Variants in SYCE1L observed in about 807,000 individuals in gnomAD.
SYCE1L encodes synaptonemal complex central element protein 1 like, also known as synaptonemal complex central element protein 1-like.
In SYCE1L, 51 loss-of-function variants were observed where a neutral mutation model predicts 39.6. That is an observed-to-expected ratio of 1.29 (90% CI 1.03 to 1.63). The LOEUF (loss-of-function observed/expected upper bound fraction) is 1.63, where lower values mean the gene tolerates loss of function less well. Ranked by LOEUF, SYCE1L falls within the 40% of genes most tolerant of loss-of-function variation. The pLI is 0.00. For missense variants in SYCE1L, 426 were observed against 304.9 expected, an observed-to-expected ratio of 1.40 and a Z score of -2.96; for synonymous variants, 147 against 122.4, an observed-to-expected ratio of 1.20 and a Z score of -1.33.
At position 77,212,973 on chromosome 16, in the gene SYCE1L, G is replaced by T. The variant is rs545770596; in HGVS notation, c.*42G>T. ...CGTTCCCGACCTTCCCTCGAGACCC[G>T]CCAAGAAATAAAGGCGATGATTTCC... On this transcript the variant is annotated 3_prime_UTR_variant, in exon 11 of 11. Coordinates refer to ENST00000378644, the MANE Select transcript of SYCE1L (RefSeq NM_001129979.3). The T allele has an allele frequency of 7.6e-6, 11 of 1,451,286 alleles. No individual in the cohort carries two copies. The highest frequency in any genetic ancestry group is 4.3e-5 in the African/African-American group (3 of 69,224). 89.9% of individuals were successfully genotyped at this position (1,451,286 alleles called of 1,614,324 possible).
rs2054806245 is a variant in SYCE1L, at chr16:77,209,171, T to G, written c.304+27T>G. On this transcript the variant is annotated intron_variant, in intron 5 of 10. Transcript: ENST00000378644. ...TATTTACCAGTTGCTGTGTCTTCCT[T>G]ATTCTACTCTTCCACCCCACAAAAG... 1.9e-6 allele frequency: 3 copies of G among 1,550,812 alleles called. No individual in the cohort carries two copies. In the South Asian group the frequency reaches 3.6e-5, roughly 18 times the overall value.
At chr16:77,212,103 G>T (rs1173487255) in intron 7 of SYCE1L, 27 bp from the exon 8 acceptor site, 2 of 1,541,662 alleles carry the variant, frequency 1.3e-6, no homozygotes, top group Non-Finnish European at 1.7e-6. Flanking sequence ...ACGGCCAAAC[G>T]GGGAGGCCTC....
chr16:77,201,596 A>C (rs1024242624), intron 1 of SYCE1L: 1 of 152,196 alleles, frequency 6.6e-6, no homozygotes, highest in Non-Finnish European at 1.5e-5. Flanking sequence ...TTCGGCAGTG[A>C]CCATGCGATG....
chr16:77,209,124 AGGTCTTGG>A lies in SYCE1L; in HGVS notation c.286_293del (p.Val96GlnfsTer86). 6.4e-7 allele frequency: 1 copy of A among 1,551,638 alleles called. No individual in the cohort carries two copies. The highest frequency in any genetic ancestry group is 1.2e-5 in the South Asian group (1 of 84,058). On this transcript the variant is annotated frameshift_variant, in exon 5 of 11. Coordinates refer to ENST00000378644, the MANE Select transcript of SYCE1L (RefSeq NM_001129979.3). LOFTEE classifies it high-confidence loss of function. Reference sequence around the variant, plus strand: ...AATGGAGAGAAAGTGCACCTAGAGGAGGTCTTGGGCAAAAAGCAAGGTATTTACCAGTT... The same window carrying A: ...AATGGAGAGAAAGTGCACCTAGAGGAGCAAAAAGCAAGGTATTTACCAGTT...
At chr16:77,212,551 T>C (rs1424320366) in intron 9 of SYCE1L, 23 bp from the exon 10 acceptor site, 1 of 1,536,722 alleles carries the variant, frequency 6.5e-7, no homozygotes, top group Admixed American at 2.0e-5. Context: ...CTTCCTCCTG[T>C]CTCCTCGGCC....
chr16:77,207,896 CCTT>C, intron 2 of SYCE1L, among the ~76,000 whole-genome samples: 2 of 152,254 alleles, frequency 1.3e-5, no homozygotes, highest in East Asian at 3.9e-4. Context: ...GGACCTGCTT[CCTT>C]CTTCTCATCT....
intron 1 of SYCE1L, among the ~76,000 whole-genome samples, chr16:77,206,127 T>A (rs137914325): frequency 1.4e-4 from 22 of 152,322 alleles, no homozygotes; most frequent in African/African-American, 4.8e-4. Context: ...AACTTCATAA[T>A]GATCTTGAAC....
chr16:77,209,552 T>G, intron 6 of SYCE1L, 81 bp downstream of exon 6: 1 of 1,471,952 alleles, frequency 6.8e-7, no homozygotes, highest in Non-Finnish European at 9.3e-7. Context: ...AAATGAATCT[T>G]GGACACAGAA....
intron 9 of SYCE1L, 27 bp from the exon 10 acceptor site, chr16:77,212,547 C>G: frequency 6.5e-7 from 1 of 1,537,186 alleles, no homozygotes; most frequent in Non-Finnish European, 8.7e-7. Flanking sequence ...CTCTCTTCCT[C>G]CTGTCTCCTC....
intron 10 of SYCE1L, 64 bp downstream of exon 10, chr16:77,212,710 G>T: frequency 1.4e-6 from 2 of 1,459,040 alleles, no homozygotes; most frequent in Non-Finnish European, 1.8e-6. Flanking sequence ...GCGGGCGGGG[G>T]TCCTGGGAGC....
intron 4 of SYCE1L, 79 bp downstream of exon 4, chr16:77,208,618 C>T (rs2054802358): frequency 7.6e-7 from 1 of 1,324,478 alleles, no homozygotes; most frequent in Non-Finnish European, 1.0e-6. Flanking sequence ...ACAGGCTGCT[C>T]CCTGGCCTAC....
intron 10 of SYCE1L, 49 bp from the exon 11 acceptor site, chr16:77,212,808 C>T (rs955615484): frequency 2.1e-6 from 3 of 1,436,330 alleles, no homozygotes; most frequent in South Asian, 1.4e-5. Context: ...CGCGGGCGGA[C>T]GCGAGGAGCG....
chr16:77,212,471 G>A (rs2054831457), intron 9 of SYCE1L, 102 bp downstream of exon 9: 5 of 1,540,568 alleles, frequency 3.2e-6, no homozygotes, highest in Non-Finnish European at 4.4e-6. Context: ...TCCCCGGCCT[G>A]TGCCTCCCTC....
chr16:77,202,380 A>G (rs1359971239), intron 1 of SYCE1L: 1 of 152,224 alleles, frequency 6.6e-6, no homozygotes, highest in Non-Finnish European at 1.5e-5. Flanking sequence ...TTGTTTCAAA[A>G]TAAAATGTTT....
intron 1 of SYCE1L, among the ~76,000 whole-genome samples, chr16:77,205,101 A>G (rs1242989249): frequency 6.6e-6 from 1 of 151,586 alleles, no homozygotes; most frequent in Non-Finnish European, 1.5e-5. Context: ...TTGTATATAC[A>G]TTGAATTATC....
At chr16:77,200,565 G>T (rs535978218) in intron 1 of SYCE1L, 1 of 151,838 alleles carries the variant, frequency 6.6e-6, no homozygotes. Flanking sequence ...AGACCAGCCT[G>T]GCCAGCATGG....
Position 77,212,083 on chromosome 16 carries a change from A to T in SYCE1L, c.424-47A>T, listed in dbSNP as rs1479710899. ...ACAAAAGGGGAGGGGCGGGCCGTGT[A>T]GCCAAGAGGACGGCCAAACGGGGAG... is the stretch of plus-strand genomic sequence containing the variant. On this transcript the variant is annotated intron_variant, in intron 7 of 10. Coordinates refer to ENST00000378644, the MANE Select transcript of SYCE1L (RefSeq NM_001129979.3). 3.3e-6 allele frequency: 5 copies of T among 1,522,996 alleles called. No individual in the cohort carries two copies. The South Asian group carries it at 6.2e-5, about 19-fold the overall frequency. 94.3% of individuals were successfully genotyped at this position (1,522,996 alleles called of 1,614,324 possible). A position where few individuals can be genotyped will look rare whatever the true frequency, so the allele number is the denominator to read the frequency against.
At chr16:77,212,065 G>A in intron 7 of SYCE1L, 65 bp from the exon 8 acceptor site, 1 of 1,492,694 alleles carries the variant, frequency 6.7e-7, no homozygotes, top group Non-Finnish European at 9.0e-7. Flanking sequence ...AGCACAAAAG[G>A]GGAGGGGCGG....
In SYCE1L at chr16:77,212,593, A is replaced by G; in HGVS notation, c.601A>G (p.Ile201Val). 3 of 1,535,694 alleles carry G rather than the reference A, an allele frequency of 2.0e-6. No individual in the cohort carries two copies. Among genetic ancestry groups the G allele is most frequent in the Non-Finnish European group, 2.6e-6 (3 of 1,146,262 alleles). ...VNDGLKAELEIFGEQVRSAPE... is the reference protein window; with the variant it reads ...VNDGLKAELEVFGEQVRSAPE... ...CCGCAGGCTGAAGGCGGAGCTGGAG[A>G]TATTCGGGGAGCAGGTCCGGAGCGC... is the stretch of plus-strand genomic sequence containing the variant. The change falls in exon 10 of 11, where the codon ATA (isoleucine) becomes GTA (valine). Residue 201 changes from isoleucine (I) to valine (V), a missense_variant. Transcript: ENST00000378644.
Sources: allele counts gnomAD v4.1 joint callset (sites outside exome capture counted in the v4.1 genomes callset), GRCh38; gene constraint gnomAD v4.1.1; transcripts MANE v1.5; gene names NCBI Gene and HGNC (gene_info 2026-07-23, HGNC 2026-07-21).